Variants in OTOP1 observed in about 807,000 individuals in gnomAD.
The protein encoded by OTOP1 is proton channel OTOP1.
OTOP1 carries 59 observed loss-of-function variants against 52.9 expected under a neutral mutation model. The observed-to-expected ratio is 1.12, with a 90% CI of 0.91 to 1.39. OTOP1 has a LOEUF of 1.39. Ranked by LOEUF, OTOP1 falls within the 40% of genes most tolerant of loss-of-function variation. OTOP1 has a pLI of 0.00. For missense variants in OTOP1, 761 were observed against 800.9 expected (o/e 0.95, Z 0.60); for synonymous variants, 317 against 337.7 (o/e 0.94, Z 0.67).
chr4:4,202,515 C>G lies in OTOP1; in HGVS notation c.663G>C (p.Glu221Asp), dbSNP rs1409777338. Residue 221 changes from glutamate to aspartate, a missense_variant, in exon 4 of 6, where the codon GAG becomes GAC. By Grantham distance (45) the Glu-to-Asp change is conservative. Coordinates refer to ENST00000296358, the MANE Select transcript of OTOP1 (RefSeq NM_177998.3). ...TGTGCTCATTGAGTTGGTGCTTTGACTCATTGAGGACGCCATTGGCCCACA... is the reference window on the plus strand; with the variant it reads ...TGTGCTCATTGAGTTGGTGCTTTGAGTCATTGAGGACGCCATTGGCCCACA... ...LLLWANGVLN[E>D]SKHQLNEHKE... The G allele has an allele frequency of 6.2e-7, 1 of 1,614,122 alleles. No homozygotes were observed. The highest frequency in any genetic ancestry group is 1.7e-5 in the Admixed American group (1 of 60,020).
chr4:4,202,558 A>G lies in OTOP1; in HGVS notation c.620T>C (p.Val207Ala), dbSNP rs1716812950. 1 of 1,613,918 alleles carries G rather than the reference A, an allele frequency of 6.2e-7. No individual in the cohort carries two copies. The highest frequency in any genetic ancestry group is 1.1e-5 in the South Asian group (1 of 91,090). The part of the protein sequence containing the change: ...TLERFGVIHS[V>A]FTNLLLWANG... ...GGCCCACAGAAGCAGGTTGGTGAACACCGAGTGGATCACTCCAAACCTGAA... is the reference window on the plus strand; with the variant it reads ...GGCCCACAGAAGCAGGTTGGTGAACGCCGAGTGGATCACTCCAAACCTGAA... The change falls in exon 4 of 6, where the codon GTG becomes GCG. Residue 207 changes from valine to alanine, a missense_variant. Val to Ala is a moderately conservative substitution (Grantham distance 64, BLOSUM62 0). Transcript: ENST00000296358.
intron 2 of OTOP1, among the ~76,000 whole-genome samples, chr4:4,207,288 TAGAC>T (rs1428489080): frequency 2.2e-4 from 33 of 152,232 alleles, no homozygotes; most frequent in African/African-American, 7.7e-4. Context: ...GATTTGAAAT[TAGAC>T]AGCCATTTAA....
intron 1 of OTOP1, among the ~76,000 whole-genome samples, chr4:4,225,835 G>T (rs868515885): frequency 6.6e-6 from 1 of 152,114 alleles, no homozygotes; most frequent in South Asian, 2.1e-4. Flanking sequence ...GAACACTGGA[G>T]CCCAGTGCGG....
intron 2 of OTOP1, among the ~76,000 whole-genome samples, chr4:4,207,377 A>G (rs1251713359): frequency 6.6e-6 from 1 of 152,222 alleles, no homozygotes; most frequent in Non-Finnish European, 1.5e-5. Context: ...AGAAAATTCT[A>G]CACCCACACA....
intron 4 of OTOP1, among the ~76,000 whole-genome samples, chr4:4,199,455 C>T (rs1202873380): frequency 6.6e-6 from 1 of 151,846 alleles, no homozygotes. Context: ...CTTCTGTTGC[C>T]CAGGTTGGAG....
At chr4:4,191,890 C>G (rs1716517377) in intron 5 of OTOP1, among the ~76,000 whole-genome samples, 2 of 152,102 alleles carry the variant, frequency 1.3e-5, no homozygotes, top group African/African-American at 4.8e-5. Flanking sequence ...CAAGGAACAC[C>G]TTCTAAAAGA....
At position 4,223,949 on chromosome 4, in the gene OTOP1, G is replaced by A. The variant is rs543307634; in HGVS notation, c.403+2513C>T. 4.6e-5 allele frequency among the ~76,000 whole-genome samples: 7 copies of A among 151,470 alleles called. No homozygotes were observed. In the East Asian group the frequency reaches 1.4e-3, roughly 30 times the overall value. On this transcript the variant is annotated intron_variant, in intron 1 of 5. Transcript: ENST00000296358. Reference sequence around the variant, plus strand: ...AGAGGAAGAGAGGAAGGAAGAGAAAGAGAGGAGAGAGAGAGGGAAGAGGGA... The same window carrying A: ...AGAGGAAGAGAGGAAGGAAGAGAAAAAGAGGAGAGAGAGAGGGAAGAGGGA...
At chr4:4,213,112 CA>C in intron 1 of OTOP1, 108 bp from the exon 2 acceptor site, 1 of 1,356,790 alleles carries the variant, frequency 7.4e-7, no homozygotes, top group Admixed American at 2.2e-5. Flanking sequence ...TGTATATGGT[CA>C]AATGATTTTT....
At chr4:4,213,099 T>G (rs1421755397) in intron 1 of OTOP1, 95 bp from the exon 2 acceptor site, 1 of 1,432,592 alleles carries the variant, frequency 7.0e-7, no homozygotes, top group Admixed American at 1.9e-5. Flanking sequence ...TATTAAACCC[T>G]TATGTATATG....
chr4:4,191,846 C>A (rs12506827), intron 5 of OTOP1, among the ~76,000 whole-genome samples: 15,175 of 152,208 alleles, frequency 0.1, 971 homozygotes, highest in East Asian at 0.3. Flanking sequence ...GTACCCTCAA[C>A]ATGCATAGCA....
chr4:4,226,586 C>T lies in OTOP1; in HGVS notation c.279G>A (p.Leu93=). 1.9e-6 allele frequency: 3 copies of T among 1,604,710 alleles called. No homozygotes were observed. The highest frequency in any genetic ancestry group is 2.5e-6 in the Non-Finnish European group (3 of 1,178,420). Reference sequence around the variant, plus strand: ...GCAGCATGAGCGCCGTCAGGAAGCACAGCAGGTCGCTCTTGCTCACGCCCG... The same window carrying T: ...GCAGCATGAGCGCCGTCAGGAAGCATAGCAGGTCGCTCTTGCTCACGCCCG... ...HAAGVSKSDL[L]CFLTALMLLQ... The change falls in exon 1 of 6, where the codon CTG becomes CTA. Residue 93 remains leucine, a synonymous_variant. Coordinates refer to ENST00000296358, the MANE Select transcript of OTOP1 (RefSeq NM_177998.3).
chr4:4,204,280 G>T (rs1203211770), intron 3 of OTOP1, among the ~76,000 whole-genome samples: 1 of 152,142 alleles, frequency 6.6e-6, no homozygotes. Flanking sequence ...TGCCCCTTGT[G>T]CTTGCCCAGT....
chr4:4,201,230 C>A (rs890003529), intron 4 of OTOP1, among the ~76,000 whole-genome samples: 3 of 152,064 alleles, frequency 2.0e-5, no homozygotes, highest in Non-Finnish European at 2.9e-5. Context: ...AGTTCGAGAC[C>A]AGCTTGGCCA....
At chr4:4,211,128 A>G (rs1488349810) in intron 2 of OTOP1, among the ~76,000 whole-genome samples, 3 of 152,124 alleles carry the variant, frequency 2.0e-5, no homozygotes, top group Non-Finnish European at 4.4e-5. Flanking sequence ...TGTTAGCTTC[A>G]CTGTTTGAGA....
intron 2 of OTOP1, among the ~76,000 whole-genome samples, chr4:4,211,313 T>A (rs1465746746): frequency 2.0e-5 from 3 of 152,178 alleles, no homozygotes; most frequent in Non-Finnish European, 4.4e-5. Flanking sequence ...AATCCAAAAA[T>A]ATTTCCAGCA....
At chr4:4,196,494 T>A (rs1212228878) in intron 5 of OTOP1, among the ~76,000 whole-genome samples, 3 of 151,992 alleles carry the variant, frequency 2.0e-5, no homozygotes, top group Non-Finnish European at 2.9e-5. Flanking sequence ...GAGGCAGAGG[T>A]TGCAGTGAGC....
chr4:4,191,149 C>T (rs1305718876), intron 5 of OTOP1, among the ~76,000 whole-genome samples: 1 of 152,126 alleles, frequency 6.6e-6, no homozygotes, highest in Non-Finnish European at 1.5e-5. Flanking sequence ...TCATCCTTAT[C>T]TCCCTCCTAC....
chr4:4,215,059 A>G (rs1717110419), intron 1 of OTOP1, among the ~76,000 whole-genome samples: 1 of 152,134 alleles, frequency 6.6e-6, no homozygotes, highest in Admixed American at 6.5e-5. Context: ...AGGTGGGAGG[A>G]TCACTTGAGG....
intron 5 of OTOP1, among the ~76,000 whole-genome samples, chr4:4,189,905 G>C (rs1403524705): frequency 6.6e-6 from 1 of 152,242 alleles, no homozygotes; most frequent in African/African-American, 2.4e-5. Context: ...TGAAATGAAT[G>C]CAGCCCCAGC....
Sources: gnomAD v4.1 joint callset for allele counts (sites outside exome capture counted in the v4.1 genomes callset) on GRCh38, gnomAD v4.1.1 for gene constraint, MANE v1.5 for transcripts, NCBI Gene and HGNC (gene_info 2026-07-23, HGNC 2026-07-21) for gene names.